TLK1: variants seen among roughly 807,000 people sequenced by gnomAD.
TLK1 encodes the protein tousled like kinase 1.
A neutral mutation model predicts 105.3 loss-of-function variants in TLK1; 24 were observed. That is an observed-to-expected ratio of 0.23 (90% CI 0.17 to 0.32). The LOEUF (loss-of-function observed/expected upper bound fraction) is 0.32. Ranked by LOEUF, TLK1 falls within the 10% of genes least tolerant of loss-of-function variation. The pLI is 1.00. For missense variants in TLK1, 558 were observed against 910.5 expected (o/e 0.61, Z 4.98); for synonymous variants, 321 against 310.4 (o/e 1.03, Z -0.36).
chr2:171,080,757 G>C (rs1021003805), intron 3 of TLK1, among the ~76,000 whole-genome samples: 1 of 151,624 alleles, frequency 6.6e-6, no homozygotes, highest in African/African-American at 2.4e-5. Flanking sequence ...GCCCAGGCTG[G>C]AGTGCAGTGG....
chr2:171,123,937 T>C (rs186222449), intron 1 of TLK1, among the ~76,000 whole-genome samples: 3 of 152,376 alleles, frequency 2.0e-5, no homozygotes, highest in Admixed American at 6.5e-5. Flanking sequence ...ATGATTTTAA[T>C]TGAGCATATT....
intron 2 of TLK1, among the ~76,000 whole-genome samples, chr2:171,093,604 A>C (rs1224283958): frequency 6.6e-6 from 1 of 152,176 alleles, no homozygotes; most frequent in Non-Finnish European, 1.5e-5. Context: ...GTAAGGTAGG[A>C]ATCCGAAAAA....
At chr2:171,015,702 TACAC>T (rs1007413316) in intron 12 of TLK1, among the ~76,000 whole-genome samples, 91 of 5,836 alleles carry the variant, frequency 0.016, no homozygotes, top group Middle Eastern at 0.038. Flanking sequence ...CACACACATA[TACAC>T]ACACACACAC....
chr2:171,071,833 AG>A (rs1021932902), intron 3 of TLK1, among the ~76,000 whole-genome samples: 1 of 152,212 alleles, frequency 6.6e-6, no homozygotes, highest in Non-Finnish European at 1.5e-5. Flanking sequence ...TTTATTGAAC[AG>A]ACTGTCCTTT....
At chr2:171,078,086 T>C (rs1237661763) in intron 3 of TLK1, among the ~76,000 whole-genome samples, 1 of 151,988 alleles carries the variant, frequency 6.6e-6, no homozygotes, top group Non-Finnish European at 1.5e-5. Flanking sequence ...ATTCCAGATA[T>C]CTTCTACTGT....
At chr2:171,190,833 C>T (rs954602521) in intron 1 of TLK1, among the ~76,000 whole-genome samples, 1 of 152,048 alleles carries the variant, frequency 6.6e-6, no homozygotes, top group Admixed American at 6.6e-5. Flanking sequence ...ATTGTGATTT[C>T]TTTCCTTATT....
intron 11 of TLK1, among the ~76,000 whole-genome samples, chr2:171,031,354 TAGAC>T (rs1686037583): frequency 2.0e-5 from 3 of 152,224 alleles, no homozygotes; most frequent in Non-Finnish European, 2.9e-5. Context: ...AACAGGATTT[TAGAC>T]AGAATGAAAA....
chr2:171,134,896 G>A (rs1462381326), intron 1 of TLK1, among the ~76,000 whole-genome samples: 3 of 151,566 alleles, frequency 2.0e-5, no homozygotes, highest in East Asian at 1.9e-4. Context: ...CCACTGAGCC[G>A]GACCTATTCA....
At chr2:171,193,732 T>TTG (rs1693207214) in intron 1 of TLK1, among the ~76,000 whole-genome samples, 1 of 49,382 alleles carries the variant, frequency 2.0e-5, no homozygotes, top group African/African-American at 6.8e-5. Context: ...TTTTTTTTTT[T>TTG]GAGACAGGGT....
intron 1 of TLK1, among the ~76,000 whole-genome samples, chr2:171,137,727 T>C (rs55939429): frequency 0.11 from 17,326 of 151,910 alleles, 1,562 homozygotes; most frequent in African/African-American, 0.24. Flanking sequence ...CGTGTGCCTG[T>C]AGTCCCAGCT....
intron 11 of TLK1, among the ~76,000 whole-genome samples, chr2:171,034,636 G>C (rs957767913): frequency 3.3e-5 from 5 of 152,134 alleles, no homozygotes; most frequent in African/African-American, 1.2e-4. Flanking sequence ...CTGGGTTAAG[G>C]AAACAGTTTT....
At chr2:171,161,151 C>G (rs1692486565), upstream of TLK1, among the ~76,000 whole-genome samples, 1 of 147,764 alleles carries the variant, frequency 6.8e-6, no homozygotes, top group African/African-American at 2.4e-5. Context: ...GGTTGCCGGA[C>G]TCGCGTGCGC....
chr2:171,058,493 T>C (rs1558915128), intron 4 of TLK1, among the ~76,000 whole-genome samples: 1 of 152,136 alleles, frequency 6.6e-6, no homozygotes, highest in Non-Finnish European at 1.5e-5. Context: ...TAACCTTTAC[T>C]TGTAAATAAT....
chr2:171,031,795 G>A (rs2105398811), intron 11 of TLK1, among the ~76,000 whole-genome samples: 1 of 152,172 alleles, frequency 6.6e-6, no homozygotes, highest in Non-Finnish European at 1.5e-5. Flanking sequence ...AAAGTTAGTA[G>A]AAATAACAAA....
At chr2:171,035,107 G>C in intron 11 of TLK1, among the ~76,000 whole-genome samples, 1 of 152,046 alleles carries the variant, frequency 6.6e-6, no homozygotes, top group South Asian at 2.1e-4. Flanking sequence ...TTGGGAAGCC[G>C]AGGAGGGTGG....
chr2:171,088,838 G>C (rs1251457320), intron 2 of TLK1, among the ~76,000 whole-genome samples: 3 of 152,170 alleles, frequency 2.0e-5, no homozygotes, highest in African/African-American at 7.2e-5. Context: ...GAAGCAACCA[G>C]AGAATCTGCT....
chr2:171,080,360 G>C (rs188630292), intron 3 of TLK1, among the ~76,000 whole-genome samples: 12 of 151,800 alleles, frequency 7.9e-5, no homozygotes, highest in African/African-American at 2.4e-4. Flanking sequence ...GGAGTACTAG[G>C]AAAAACAAAA....
At chr2:171,176,360 C>T (rs909072955) in intron 1 of TLK1, among the ~76,000 whole-genome samples, 1 of 152,150 alleles carries the variant, frequency 6.6e-6, no homozygotes, top group South Asian at 2.1e-4. Context: ...TGTCTCCAGC[C>T]CTGACCACTC....
intron 1 of TLK1, among the ~76,000 whole-genome samples, chr2:171,206,843 CAAT>C (rs1256299275): frequency 2.6e-5 from 4 of 152,274 alleles, no homozygotes; most frequent in South Asian, 4.1e-4. Flanking sequence ...ACTGAAACAA[CAAT>C]GAGATACCAC....
Sources: allele counts gnomAD v4.1 joint callset (sites outside exome capture counted in the v4.1 genomes callset), GRCh38; gene constraint gnomAD v4.1.1; transcripts MANE v1.5; gene names NCBI Gene and HGNC (gene_info 2026-07-23, HGNC 2026-07-21).